The following SATB1 variants were observed in gnomAD, a reference collection of about 807,000 sequenced individuals.
The protein encoded by SATB1 is SATB homeobox 1.
A neutral mutation model predicts 86.9 loss-of-function variants in SATB1; 11 were observed. The observed-to-expected ratio is 0.13, with a 90% confidence interval of 0.08 to 0.21. The LOEUF (loss-of-function observed/expected upper bound fraction) is 0.21, where lower values mean the gene tolerates loss of function less well. Ranked by LOEUF, SATB1 falls within the 10% of genes least tolerant of loss-of-function variation. SATB1 has a pLI of 1.00. For missense variants in SATB1, 551 were observed against 937.6 expected (o/e 0.59, Z 5.39); for synonymous variants, 357 against 357.2 (o/e 1.00, Z 0.01).
upstream of SATB1, among the ~76,000 whole-genome samples, chr3:18,425,672 G>A (rs981649831): frequency 1.1e-4 from 17 of 152,014 alleles, no homozygotes; most frequent in East Asian, 2.9e-3. Context: ...ACAGGGCGCT[G>A]TGCGAGGGCT....
At chr3:18,441,966 A>G (rs1699253718), upstream of SATB1, among the ~76,000 whole-genome samples, 1 of 152,188 alleles carries the variant, frequency 6.6e-6, no homozygotes, top group African/African-American at 2.4e-5. Context: ...GGGAGACAAA[A>G]GAACTACTTT....
At chr3:18,381,834 C>T (rs1696078973) in intron 8 of SATB1, among the ~76,000 whole-genome samples, 1 of 151,870 alleles carries the variant, frequency 6.6e-6, no homozygotes, top group South Asian at 2.1e-4. Context: ...GAAAATATTT[C>T]CCACTCTCAA....
At chr3:18,409,776 T>C (rs570216523) in intron 5 of SATB1, 1 of 152,146 alleles carries the variant, frequency 6.6e-6, no homozygotes, top group South Asian at 2.1e-4. Context: ...AAGATAATTT[T>C]ATACTGGGAA....
chr3:18,345,631 AAAG>A lies in SATB1; in HGVS notation c.*3536_*3538del, dbSNP rs753236946. 18 of 152,100 alleles carry A rather than the reference AAAG, an allele frequency of 1.2e-4. No homozygotes were observed. Among genetic ancestry groups the A allele is most frequent in the East Asian group, 7.7e-4 (4 of 5,188 alleles). 9.4% of individuals were successfully genotyped at this position (152,100 alleles called of 1,614,324 possible). ...CTCTTAAAAAGTCAAAAATATGCAT[AAAG>A]AAGACTAGTATTGATATTTTCTGAT... On this transcript the variant is annotated 3_prime_UTR_variant, in exon 11 of 11. Coordinates refer to ENST00000338745, the MANE Select transcript of SATB1 (RefSeq NM_002971.6).
At chr3:18,388,325 CAA>C (rs200115186) in intron 7 of SATB1, among the ~76,000 whole-genome samples, 2 of 144,296 alleles carry the variant, frequency 1.4e-5, no homozygotes, top group African/African-American at 2.5e-5. Flanking sequence ...ATTCAGGTCT[CAA>C]AAAAAAAAAG....
upstream of SATB1, among the ~76,000 whole-genome samples, chr3:18,427,361 C>T (rs996281054): frequency 2.6e-5 from 4 of 152,042 alleles, no homozygotes; most frequent in East Asian, 7.7e-4. Context: ...ACAATAGCAA[C>T]ATTTAAAAAT....
chr3:18,405,570 G>A (rs1351723000), intron 5 of SATB1, among the ~76,000 whole-genome samples: 1 of 151,966 alleles, frequency 6.6e-6, no homozygotes. Flanking sequence ...CTGTACAGGA[G>A]CATATTAGAT....
chr3:18,410,398 A>G (rs1697771423), intron 5 of SATB1, among the ~76,000 whole-genome samples: 1 of 151,930 alleles, frequency 6.6e-6, no homozygotes. Context: ...TCTCGGTATG[A>G]AGTCTCACCC....
chr3:18,445,081 G>C (rs1699351900), intron 1 of SATB1: 1 of 418,986 alleles, frequency 2.4e-6, no homozygotes, highest in Non-Finnish European at 3.2e-6. Flanking sequence ...CAGACGTGGC[G>C]CTTCGGACCG....
chr3:18,436,045 T>A (rs1319925553), intron 2 of SATB1, among the ~76,000 whole-genome samples: 1 of 152,192 alleles, frequency 6.6e-6, no homozygotes, highest in East Asian at 1.9e-4. Context: ...TTTCATAGAA[T>A]GCCTAGAACT....
At chr3:18,370,146 T>C (rs1357336857) in intron 9 of SATB1, among the ~76,000 whole-genome samples, 2 of 152,140 alleles carry the variant, frequency 1.3e-5, no homozygotes, top group East Asian at 1.9e-4. Flanking sequence ...TTAGTGAAAA[T>C]GTTCTTCAGA....
chr3:18,415,803 G>T lies in SATB1; in HGVS notation c.515+204C>A, dbSNP rs552064911. ...ACCTGCACAAACCTACACATTTTTT[G>T]TGTGTGTGGGGGGGGGGATTGCTTT... On this transcript the variant is annotated intron_variant, in intron 4 of 10. Coordinates refer to ENST00000338745, the MANE Select transcript of SATB1 (RefSeq NM_002971.6). 9.0e-4 allele frequency among the ~76,000 whole-genome samples: 137 copies of T among 151,846 alleles called. 2 individuals are homozygous for T. Among genetic ancestry groups the T allele is most frequent in the South Asian group, 2.9e-3 (14 of 4,806 alleles).
In SATB1 at chr3:18,386,729, T is replaced by A; in HGVS notation, c.1207-118A>T. ...AATGAACAGTCAGAGGCATTAATTC[T>A]GCATAGGAATATATTAGTTACAACT... On this transcript the variant is annotated intron_variant, in intron 7 of 10. Transcript: ENST00000338745. The surrounding 1 kb of genome is among the most constrained non-coding windows in gnomAD (Gnocchi z 4.5). 1.4e-6 allele frequency: 1 copy of A among 733,452 alleles called. No homozygotes were observed. The highest frequency in any genetic ancestry group is 1.7e-5 in the South Asian group (1 of 57,960). The allele number at this position is 733,452 out of a possible 1,614,324, so 45.4% of individuals were successfully genotyped here. A position where few individuals can be genotyped will look rare whatever the true frequency, so the allele number is the denominator to read the frequency against.
intron 7 of SATB1, among the ~76,000 whole-genome samples, chr3:18,392,975 A>AG (rs1696764740): frequency 1.3e-5 from 2 of 150,078 alleles, no homozygotes; most frequent in Admixed American, 1.3e-4. Context: ...GAACGTACAA[A>AG]AAAAAAAAAA....
chr3:18,349,217 GCTC>G lies in SATB1; in HGVS notation c.2242_2244del (p.Glu748del). The G allele has an allele frequency of 6.2e-7, 1 of 1,614,120 alleles. No individual in the cohort carries two copies. The highest frequency in any genetic ancestry group is 1.1e-5 in the South Asian group (1 of 91,078). On this transcript the variant is annotated inframe_deletion, in exon 11 of 11. Coordinates refer to ENST00000338745, the MANE Select transcript of SATB1 (RefSeq NM_002971.6). This position sits in a 1 kb window ranked among gnomAD's most constrained non-coding sequence, Gnocchi z 5.5. ...ATGTCTGTGTTTCCTTCCACTGACA[GCTC>G]TTCTTCTAGTTTCACTGAAAAAAGG...
upstream of SATB1, among the ~76,000 whole-genome samples, chr3:18,427,019 C>G (rs80350471): frequency 0.02 from 3,067 of 152,270 alleles, 108 homozygotes; most frequent in African/African-American, 0.07. Context: ...AACCGTGAAT[C>G]TTGGCACACA....
chr3:18,351,301 G>C (rs1694346134), intron 10 of SATB1: 2 of 1,537,434 alleles, frequency 1.3e-6, no homozygotes, highest in Non-Finnish European at 8.7e-7. Flanking sequence ...ATAGGTAACT[G>C]TGCCCGCTCA....
chr3:18,399,714 A>G (rs1024993214), intron 5 of SATB1, among the ~76,000 whole-genome samples: 2 of 152,196 alleles, frequency 1.3e-5, no homozygotes, highest in African/African-American at 4.8e-5. Context: ...AGCCTAAGCA[A>G]GACTTAAATC....
chr3:18,367,231 T>C (rs1559404262), intron 9 of SATB1, among the ~76,000 whole-genome samples: 1 of 152,158 alleles, frequency 6.6e-6, no homozygotes, highest in Non-Finnish European at 1.5e-5. Context: ...GCAAATTAGG[T>C]ACTATTACCT....
Sources: allele counts gnomAD v4.1 joint callset (sites outside exome capture counted in the v4.1 genomes callset), GRCh38; gene constraint gnomAD v4.1.1; non-coding constraint Gnocchi (gnomAD v3.1); transcripts MANE v1.5; gene names NCBI Gene and HGNC (gene_info 2026-07-23, HGNC 2026-07-21).